The following TNR variants were observed in gnomAD, a reference collection of about 807,000 sequenced individuals.
The protein encoded by TNR is tenascin-R.
Under a neutral mutation model 150.4 loss-of-function variants are expected in TNR, and 45 were observed. The observed-to-expected ratio is 0.30, with a 90% CI of 0.24 to 0.38. The LOEUF is 0.38. Among genes scored for constraint, TNR ranks in the 10% least tolerant of loss-of-function variants. The pLI is 1.00. For missense variants in TNR, 1,544 were observed against 1,759.1 expected (o/e 0.88, Z 2.19); for synonymous variants, 687 against 678.4 (o/e 1.01, Z -0.20).
intron 1 of TNR, among the ~76,000 whole-genome samples, chr1:175,597,255 T>C (rs1663046846): frequency 6.6e-6 from 1 of 152,224 alleles, no homozygotes; most frequent in Non-Finnish European, 1.5e-5. Context: ...CTGCCCATAA[T>C]CCCAGACCAA....
At chr1:175,582,319 C>A (rs1463341013) in intron 1 of TNR, among the ~76,000 whole-genome samples, 2 of 152,150 alleles carry the variant, frequency 1.3e-5, no homozygotes, top group African/African-American at 4.8e-5. Flanking sequence ...GTTATTGCTG[C>A]ATTGTTTTCG....
chr1:175,387,154 T>C (rs758872692), intron 7 of TNR, among the ~76,000 whole-genome samples: 7 of 152,232 alleles, frequency 4.6e-5, no homozygotes, highest in Admixed American at 2.6e-4. Context: ...CATACTGAAT[T>C]AGATAATGGG....
At chr1:175,432,497 C>T (rs1409672934) in intron 2 of TNR, among the ~76,000 whole-genome samples, 1 of 151,968 alleles carries the variant, frequency 6.6e-6, no homozygotes, top group Non-Finnish European at 1.5e-5. Context: ...TTTCCTTTCC[C>T]TTCTTTCTAT....
At chr1:175,515,459 G>A (rs575860946) in intron 2 of TNR, among the ~76,000 whole-genome samples, 1 of 152,312 alleles carries the variant, frequency 6.6e-6, no homozygotes, top group Non-Finnish European at 1.5e-5. Context: ...GCAATGTTCA[G>A]GATGAACTTT....
Position 175,416,681 on chromosome 1 carries a change from C to T in TNR, c.-63-9904G>A, listed in dbSNP as rs139322111. 5.9e-5 allele frequency among the ~76,000 whole-genome samples: 9 copies of T among 152,286 alleles called. No homozygotes were observed. The East Asian group carries it at 1.3e-3, about 23-fold the overall frequency. On this transcript the variant is annotated intron_variant, in intron 2 of 22. Transcript: ENST00000367674. Reference sequence around the variant, plus strand: ...GTTGATGGTTTCTGTTTCCTGCCCACACTCCTTAGAACAGATTGAGAAATT... The same window carrying T: ...GTTGATGGTTTCTGTTTCCTGCCCATACTCCTTAGAACAGATTGAGAAATT...
At chr1:175,403,844 C>T (rs1377207231) in intron 3 of TNR, among the ~76,000 whole-genome samples, 1 of 152,142 alleles carries the variant, frequency 6.6e-6, no homozygotes, top group African/African-American at 2.4e-5. Flanking sequence ...AGATCTGGGC[C>T]CTTGTCCTCC....
chr1:175,519,803 T>C (rs907494307), intron 2 of TNR, among the ~76,000 whole-genome samples: 12 of 152,238 alleles, frequency 7.9e-5, no homozygotes, highest in African/African-American at 2.9e-4. Flanking sequence ...ATTGCACAAG[T>C]GATATTTACA....
intron 20 of TNR, among the ~76,000 whole-genome samples, chr1:175,331,053 C>CTTTCTT (rs1557867662): frequency 1.5e-4 from 17 of 113,246 alleles, no homozygotes; most frequent in Non-Finnish European, 2.8e-4. Context: ...TTCTTTCTTT[C>CTTTCTT]TTTCTTTCTT....
Position 175,406,796 on chromosome 1 carries a change from A to G in TNR, c.-63-19T>C, listed in dbSNP as rs1653986494. 1.4e-5 allele frequency: 22 copies of G among 1,547,804 alleles called. No homozygotes were observed. In the South Asian group the frequency reaches 2.8e-4, roughly 19 times the overall value. ...TGGGAATCTGCAACGGAAACCAAGG[A>G]AAGAGACAACCTCTGAGACCTATGC... On this transcript the variant is annotated intron_variant, in intron 2 of 22. Transcript: ENST00000367674.
chr1:175,484,866 A>C (rs1463651087), intron 2 of TNR, among the ~76,000 whole-genome samples: 1 of 152,230 alleles, frequency 6.6e-6, no homozygotes, highest in Non-Finnish European at 1.5e-5. Flanking sequence ...ATAGAGCTTC[A>C]GAGAGTTTGT....
intron 1 of TNR, among the ~76,000 whole-genome samples, chr1:175,740,410 T>C (rs1009789301): frequency 4.0e-5 from 6 of 151,688 alleles, no homozygotes; most frequent in African/African-American, 1.2e-4. Flanking sequence ...CATTTTATTA[T>C]ATACAAATTA....
chr1:175,486,672 T>G (rs1477706045), intron 2 of TNR, among the ~76,000 whole-genome samples: 2 of 152,184 alleles, frequency 1.3e-5, no homozygotes, highest in African/African-American at 4.8e-5. Context: ...TAGTGTTTCT[T>G]GTTTTAGATC....
At chr1:175,503,324 C>G (rs545499351) in intron 2 of TNR, among the ~76,000 whole-genome samples, 5 of 152,246 alleles carry the variant, frequency 3.3e-5, no homozygotes, top group African/African-American at 1.2e-4. Context: ...GACCCACGTT[C>G]TTTTTCTGTA....
chr1:175,385,237 G>T (rs974248079), intron 8 of TNR, among the ~76,000 whole-genome samples: 4 of 152,212 alleles, frequency 2.6e-5, no homozygotes, highest in Non-Finnish European at 4.4e-5. Context: ...AATTGAGGGT[G>T]CCAGAAAGCC....
At chr1:175,373,991 G>T (rs573826618) in intron 9 of TNR, among the ~76,000 whole-genome samples, 16 of 152,284 alleles carry the variant, frequency 1.1e-4, no homozygotes, top group Admixed American at 4.6e-4. Context: ...ACCACTTGGG[G>T]TCACTGTGAC....
At chr1:175,620,554 A>G (rs1663937307) in intron 1 of TNR, among the ~76,000 whole-genome samples, 1 of 152,210 alleles carries the variant, frequency 6.6e-6, no homozygotes, top group Non-Finnish European at 1.5e-5. Context: ...CAAGCAGAAC[A>G]CAGCCCAAAG....
chr1:175,630,239 G>T (rs968212700), intron 1 of TNR, among the ~76,000 whole-genome samples: 10 of 152,320 alleles, frequency 6.6e-5, no homozygotes, highest in African/African-American at 2.4e-4. Context: ...GTCCCATTCT[G>T]CTTTAGAGAG....
chr1:175,680,146 A>G (rs1665985815), intron 1 of TNR, among the ~76,000 whole-genome samples: 1 of 152,198 alleles, frequency 6.6e-6, no homozygotes, highest in Non-Finnish European at 1.5e-5. Flanking sequence ...AAAGCAAAGA[A>G]GTCATTTTGT....
At chr1:175,485,091 TAC>T (rs1208305025) in intron 2 of TNR, among the ~76,000 whole-genome samples, 1 of 152,194 alleles carries the variant, frequency 6.6e-6, no homozygotes, top group East Asian at 1.9e-4. Flanking sequence ...CACTGAAGGA[TAC>T]AGAGTTTGAT....
Sources: allele counts gnomAD v4.1 joint callset (sites outside exome capture counted in the v4.1 genomes callset), GRCh38; gene constraint gnomAD v4.1.1; transcripts MANE v1.5; gene names NCBI Gene and HGNC (gene_info 2026-07-23, HGNC 2026-07-21).